ADAMTSL3: variants seen among roughly 807,000 people sequenced by gnomAD.
ADAMTSL3 encodes ADAMTS-like protein 3.
Under a neutral mutation model 201.7 loss-of-function variants are expected in ADAMTSL3, and 128 were observed. The ratio of observed to expected loss-of-function variants is 0.63; its 90% confidence interval spans 0.55 to 0.73. The LOEUF is 0.73. Among genes scored for constraint, ADAMTSL3 ranks in the 30% least tolerant of loss-of-function variants. ADAMTSL3 has a pLI of 0.00. For missense variants in ADAMTSL3, 1,990 were observed against 2,119.6 expected (o/e 0.94, Z 1.20); for synonymous variants, 738 against 748.4 (o/e 0.99, Z 0.23).
At chr15:83,777,186 C>T (rs1053681696) in intron 4 of ADAMTSL3, among the ~76,000 whole-genome samples, 1 of 152,210 alleles carries the variant, frequency 6.6e-6, no homozygotes, top group Non-Finnish European at 1.5e-5. Flanking sequence ...GGGCCTCCTG[C>T]CCACCCCTAG....
intron 4 of ADAMTSL3, among the ~76,000 whole-genome samples, chr15:83,794,256 A>G (rs1190092117): frequency 6.6e-6 from 1 of 152,204 alleles, no homozygotes; most frequent in Non-Finnish European, 1.5e-5. Flanking sequence ...AGTTTCTTTT[A>G]AAAAAATAAA....
At chr15:83,917,930 G>A (rs922076039) in intron 16 of ADAMTSL3, among the ~76,000 whole-genome samples, 15 of 152,154 alleles carry the variant, frequency 9.9e-5, no homozygotes, top group African/African-American at 3.6e-4. Flanking sequence ...ATAAATGTTA[G>A]TGGGATGACT....
chr15:83,939,714 T>C (rs931620367), intron 17 of ADAMTSL3, among the ~76,000 whole-genome samples: 17 of 151,842 alleles, frequency 1.1e-4, no homozygotes, highest in African/African-American at 3.9e-4. Context: ...CTCCGCCTCC[T>C]GGGTTCAACC....
chr15:83,683,325 C>T (rs902320763), intron 2 of ADAMTSL3, among the ~76,000 whole-genome samples: 2 of 152,170 alleles, frequency 1.3e-5, no homozygotes, highest in African/African-American at 4.8e-5. Flanking sequence ...ATTTTCCCCT[C>T]CTCTCAGTCC....
intron 23 of ADAMTSL3, among the ~76,000 whole-genome samples, chr15:84,002,320 T>G (rs957899420): frequency 2.0e-5 from 3 of 152,202 alleles, no homozygotes; most frequent in African/African-American, 7.2e-5. Flanking sequence ...TCTTGAAGCA[T>G]TCAAGTACAG....
chr15:83,893,614 T>A (rs2065553451), intron 13 of ADAMTSL3, among the ~76,000 whole-genome samples: 1 of 152,144 alleles, frequency 6.6e-6, no homozygotes, highest in South Asian at 2.1e-4. Flanking sequence ...TAGCCTAACA[T>A]TGGGAAAGAC....
chr15:83,992,379 T>A (rs1051301600), intron 23 of ADAMTSL3, among the ~76,000 whole-genome samples: 1 of 152,200 alleles, frequency 6.6e-6, no homozygotes, highest in Admixed American at 6.5e-5. Flanking sequence ...CTATGCAGAC[T>A]TTTGAAAAAT....
chr15:83,764,121 C>G (rs906953461), intron 3 of ADAMTSL3, among the ~76,000 whole-genome samples: 2 of 152,154 alleles, frequency 1.3e-5, no homozygotes, highest in African/African-American at 4.8e-5. Context: ...ATTCCAGCAC[C>G]TTTGAACTTT....
At chr15:83,875,469 G>A (rs937049812) in intron 9 of ADAMTSL3, among the ~76,000 whole-genome samples, 7 of 152,180 alleles carry the variant, frequency 4.6e-5, no homozygotes, top group Non-Finnish European at 8.8e-5. Context: ...CACTAGCAAG[G>A]CAAATGTGAC....
chr15:83,741,421 G>A (rs1189852713), intron 3 of ADAMTSL3, among the ~76,000 whole-genome samples: 2 of 151,998 alleles, frequency 1.3e-5, no homozygotes, highest in Non-Finnish European at 2.9e-5. Context: ...GGCACGTGAT[G>A]AAATTCAACA....
At chr15:84,009,715 G>A (rs1382890245) in intron 23 of ADAMTSL3, among the ~76,000 whole-genome samples, 1 of 152,158 alleles carries the variant, frequency 6.6e-6, no homozygotes, top group Non-Finnish European at 1.5e-5. Context: ...TGGTGAAAAG[G>A]TCACCGACTC....
chr15:83,988,402 T>C (rs887292247), intron 21 of ADAMTSL3, among the ~76,000 whole-genome samples: 1 of 152,154 alleles, frequency 6.6e-6, no homozygotes, highest in East Asian at 1.9e-4. Context: ...AGATTAAGCA[T>C]TGAGTTCACC....
rs764554573 is a variant in ADAMTSL3, at chr15:83,870,864, T to C, written c.865T>C (p.Phe289Leu). The C allele has an allele frequency of 3.7e-6, 6 of 1,613,478 alleles. No homozygotes were observed. In the South Asian group the frequency reaches 6.6e-5, roughly 18 times the overall value. ...ACACAGCTTTAACAGCCCCGGCGTC[T>C]TTCTCGTAGAAAACACAACAGTGGA... ...GEHSFNSPGV[F>L]LVENTTVEFQ... Residue 289 changes from phenylalanine (F) to leucine (L), a missense_variant, in exon 9 of 30, where the codon TTT becomes CTT. By Grantham distance (22) the Phe-to-Leu change is conservative. Transcript: ENST00000286744.
At chr15:83,721,920 A>G (rs1282455800) in intron 3 of ADAMTSL3, among the ~76,000 whole-genome samples, 1 of 152,044 alleles carries the variant, frequency 6.6e-6, no homozygotes, top group Admixed American at 6.6e-5. Context: ...TTTAGTAGAG[A>G]TGGGGTTTCA....
intron 16 of ADAMTSL3, among the ~76,000 whole-genome samples, chr15:83,915,340 A>T (rs1481084304): frequency 1.3e-5 from 2 of 152,138 alleles, no homozygotes; most frequent in African/African-American, 4.8e-5. Flanking sequence ...AAGAGAGATG[A>T]CCAGGTGAAT....
rs1038593072 is a variant in ADAMTSL3, at chr15:83,942,925, G to C, written c.2333G>C (p.Gly778Ala). Residue 778 changes from glycine (G) to alanine (A), a missense_variant, in exon 19 of 30, where the codon GGA becomes GCA. By Grantham distance (60) the Gly-to-Ala change is moderately conservative (BLOSUM62 0). Coordinates refer to ENST00000286744, the MANE Select transcript of ADAMTSL3 (RefSeq NM_207517.3). ...WQQCSRTCGG[G>A]TQNRRVTCRQ... Reference sequence around the variant, plus strand: ...TAGTGTTCCAGGACTTGTGGCGGGGGAACTCAGAACAGAAGAGTCACCTGT... The same window carrying C: ...TAGTGTTCCAGGACTTGTGGCGGGGCAACTCAGAACAGAAGAGTCACCTGT... The C allele has an allele frequency of 6.2e-7, 1 of 1,604,878 alleles. No homozygotes were observed. The highest frequency in any genetic ancestry group is 8.5e-7 in the Non-Finnish European group (1 of 1,175,294).
At chr15:83,989,683 G>T (rs1471170245) in intron 22 of ADAMTSL3, among the ~76,000 whole-genome samples, 2 of 152,132 alleles carry the variant, frequency 1.3e-5, no homozygotes, top group African/African-American at 4.8e-5. Context: ...ACTTAGTACT[G>T]CCATTGTCCA....
intron 19 of ADAMTSL3, among the ~76,000 whole-genome samples, chr15:83,970,075 C>A (rs1352357875): frequency 6.6e-6 from 1 of 151,638 alleles, no homozygotes; most frequent in Non-Finnish European, 1.5e-5. Context: ...TATACCTCAA[C>A]AAAACTATTA....
intron 16 of ADAMTSL3, 127 bp downstream of exon 16, chr15:83,913,505 C>A: frequency 1.0e-6 from 1 of 952,614 alleles, no homozygotes; most frequent in Non-Finnish European, 1.5e-6. Flanking sequence ...ATTCAAATAA[C>A]TGAAAATGAT....
Sources: allele counts gnomAD v4.1 joint callset (sites outside exome capture counted in the v4.1 genomes callset), GRCh38; gene constraint gnomAD v4.1.1; transcripts MANE v1.5; gene names NCBI Gene and HGNC (gene_info 2026-07-23, HGNC 2026-07-21).